DACH1: variants seen among roughly 807,000 people sequenced by gnomAD.
DACH1 encodes dachshund homolog 1.
In DACH1, 12 loss-of-function variants were observed where a neutral mutation model predicts 54.2. That is an observed-to-expected ratio of 0.22 (90% CI 0.14 to 0.36). The LOEUF is 0.36. Ranked by LOEUF, DACH1 falls within the 10% of genes least tolerant of loss-of-function variation. The probability of loss-of-function intolerance (pLI) is 1.00; values close to 1 mark genes in which losing one functional copy is unlikely to be tolerated. For synonymous variants in DACH1, 386 were observed against 366.2 expected, an observed-to-expected ratio of 1.05 and a Z score of -0.62; for missense variants, 805 against 929.8, an observed-to-expected ratio of 0.87 and a Z score of 1.75.
chr13:71,484,033 C>G (rs900309283), intron 7 of DACH1, among the ~76,000 whole-genome samples: 1 of 152,122 alleles, frequency 6.6e-6, no homozygotes, highest in African/African-American at 2.4e-5. Context: ...ATAGTTCAGT[C>G]TTATACTTAA....
chr13:71,848,630 G>A (rs1216309335), intron 1 of DACH1, among the ~76,000 whole-genome samples: 2 of 151,470 alleles, frequency 1.3e-5, no homozygotes, highest in Non-Finnish European at 2.9e-5. Flanking sequence ...GCAGAGCCTC[G>A]ACCTCCAAGG....
intron 8 of DACH1, among the ~76,000 whole-genome samples, chr13:71,476,953 G>C (rs904466396): frequency 2.0e-5 from 3 of 149,468 alleles, no homozygotes; most frequent in Admixed American, 2.0e-4. Context: ...CATATTTACT[G>C]TTTGATTTCT....
chr13:71,473,575 C>T (rs542902789), intron 10 of DACH1, among the ~76,000 whole-genome samples: 8 of 152,300 alleles, frequency 5.3e-5, no homozygotes, highest in South Asian at 2.1e-4. Context: ...TAACAACCAA[C>T]ATGTTGTTAT....
intron 2 of DACH1, among the ~76,000 whole-genome samples, chr13:71,647,083 G>T (rs907210480): frequency 6.6e-6 from 1 of 152,148 alleles, no homozygotes; most frequent in Non-Finnish European, 1.5e-5. Context: ...TAACGAAAAT[G>T]ATTTTTACTT....
At chr13:71,755,084 G>C (rs1172988618) in intron 1 of DACH1, among the ~76,000 whole-genome samples, 1 of 152,120 alleles carries the variant, frequency 6.6e-6, no homozygotes, top group African/African-American at 2.4e-5. Context: ...TACATACTAA[G>C]ATGTTGCCTG....
intron 2 of DACH1, among the ~76,000 whole-genome samples, chr13:71,655,500 A>G (rs1879034235): frequency 1.3e-5 from 2 of 151,260 alleles, no homozygotes; most frequent in South Asian, 4.2e-4. Context: ...CCTCCCGAGT[A>G]GCTGGGATTA....
intron 6 of DACH1, among the ~76,000 whole-genome samples, chr13:71,497,750 T>G (rs1408143380): frequency 4.7e-5 from 1 of 21,360 alleles, no homozygotes; most frequent in Non-Finnish European, 3.6e-4. Flanking sequence ...AACCCTGAGT[T>G]AGTTTGGTTA....
At chr13:71,705,649 T>C (rs965716745) in intron 1 of DACH1, among the ~76,000 whole-genome samples, 21 of 152,154 alleles carry the variant, frequency 1.4e-4, no homozygotes, top group African/African-American at 4.8e-4. Flanking sequence ...CCAAAGAAAC[T>C]CCTCCAATCC....
intron 1 of DACH1, among the ~76,000 whole-genome samples, chr13:71,811,788 A>G (rs75631709): frequency 1.3e-5 from 2 of 152,302 alleles, no homozygotes; most frequent in South Asian, 4.1e-4. Flanking sequence ...TGGGGTTAAT[A>G]ATATCTACAT....
intron 6 of DACH1, among the ~76,000 whole-genome samples, chr13:71,544,285 T>C (rs986488122): frequency 1.3e-5 from 2 of 152,150 alleles, no homozygotes; most frequent in African/African-American, 4.8e-5. Context: ...CATGACTACT[T>C]TGAATAGAGG....
chr13:71,591,602 A>G (rs1167641631), intron 3 of DACH1, among the ~76,000 whole-genome samples: 2 of 152,166 alleles, frequency 1.3e-5, no homozygotes, highest in African/African-American at 2.4e-5. Context: ...AGCCTCTGAC[A>G]AACAACTGTA....
At chr13:71,534,871 C>T (rs142885359) in intron 6 of DACH1, among the ~76,000 whole-genome samples, 4 of 151,788 alleles carry the variant, frequency 2.6e-5, no homozygotes, top group African/African-American at 9.6e-5. Flanking sequence ...AAACTGTGCA[C>T]TTAATTTTGT....
intron 4 of DACH1, among the ~76,000 whole-genome samples, chr13:71,563,169 T>C (rs1478689818): frequency 2.6e-5 from 4 of 152,214 alleles, no homozygotes; most frequent in South Asian, 2.1e-4. Flanking sequence ...AATGCATTGA[T>C]ATATTTTTGT....
At chr13:71,602,853 G>A (rs927840449) in intron 3 of DACH1, among the ~76,000 whole-genome samples, 7 of 151,944 alleles carry the variant, frequency 4.6e-5, no homozygotes, top group Non-Finnish European at 8.8e-5. Context: ...CCCAGGGGGA[G>A]AGAAATCTAG....
At chr13:71,739,825 G>A (rs1884306490) in intron 1 of DACH1, among the ~76,000 whole-genome samples, 2 of 152,142 alleles carry the variant, frequency 1.3e-5, no homozygotes, top group South Asian at 2.1e-4. Flanking sequence ...ATCATAGAAT[G>A]CTGTTACAAA....
At chr13:71,497,388 A>G (rs1332376814) in intron 6 of DACH1, among the ~76,000 whole-genome samples, 1 of 151,866 alleles carries the variant, frequency 6.6e-6, no homozygotes, top group Admixed American at 6.6e-5. Flanking sequence ...CTGGAGTACA[A>G]TGGCTCAATC....
At chr13:71,750,814 G>T (rs1243263809) in intron 1 of DACH1, among the ~76,000 whole-genome samples, 1 of 152,050 alleles carries the variant, frequency 6.6e-6, no homozygotes, top group Non-Finnish European at 1.5e-5. Flanking sequence ...CACATAATTA[G>T]CTCTTGTAAT....
chr13:71,788,515 C>A (rs1446749136), intron 1 of DACH1, among the ~76,000 whole-genome samples: 1 of 151,830 alleles, frequency 6.6e-6, no homozygotes, highest in Non-Finnish European at 1.5e-5. Context: ...AATTTAGAAT[C>A]AAATGTGAAG....
intron 1 of DACH1, among the ~76,000 whole-genome samples, chr13:71,815,503 T>G (rs1429740854): frequency 6.6e-6 from 1 of 152,216 alleles, no homozygotes; most frequent in Admixed American, 6.5e-5. Context: ...TAAAGCCATT[T>G]ATAAAAAGAA....
Sources: allele counts gnomAD v4.1 joint callset (sites outside exome capture counted in the v4.1 genomes callset), GRCh38; gene constraint gnomAD v4.1.1; transcripts MANE v1.5; gene names NCBI Gene and HGNC (gene_info 2026-07-23, HGNC 2026-07-21).